The following PCDHGB2 variants were observed in gnomAD, a reference collection of about 807,000 sequenced individuals.
PCDHGB2 encodes the protein protocadherin gamma-B2.
Under a neutral mutation model 59.3 loss-of-function variants are expected in PCDHGB2, and 55 were observed. The observed-to-expected ratio is 0.93, with a 90% CI of 0.75 to 1.16. The LOEUF is 1.16. Among genes scored for constraint, PCDHGB2 ranks in the 50% most tolerant of loss-of-function variants. PCDHGB2 has a pLI of 0.00. For missense variants in PCDHGB2, 1,228 were observed against 1,198.5 expected (o/e 1.02, Z -0.36); for synonymous variants, 516 against 512.0 (o/e 1.01, Z -0.11).
intron 1 of PCDHGB2, chr5:141,383,515 C>T (rs749503295): frequency 1.2e-6 from 2 of 1,612,350 alleles, no homozygotes; most frequent in South Asian, 2.2e-5. Flanking sequence ...GGAGGAAGAG[C>T]GGGTTCACCA....
At chr5:141,419,756 G>A in intron 1 of PCDHGB2, 7 of 1,614,008 alleles carry the variant, frequency 4.3e-6, no homozygotes, top group East Asian at 2.2e-5. Flanking sequence ...GCGTGCTTTG[G>A]GTGACAAGGA....
chr5:141,396,804 G>A lies in PCDHGB2; in HGVS notation c.2421+34248G>A, dbSNP rs189942396. On this transcript the variant is annotated intron_variant, in intron 1 of 3. Coordinates refer to ENST00000522605, the MANE Select transcript of PCDHGB2 (RefSeq NM_018923.3). ...AAGGACATTTCCTAAGGATTGTGTA[G>A]TGTTCTACTGTATGGTGCATATTCA... Among the ~76,000 whole-genome samples the A allele has an allele frequency of 2.8e-4, 42 of 152,300 alleles. 1 individual carries two copies. The highest frequency in any genetic ancestry group is 9.6e-4 in the African/African-American group (40 of 41,552).
At chr5:141,372,180 G>C in intron 1 of PCDHGB2, 1 of 1,613,652 alleles carries the variant, frequency 6.2e-7, no homozygotes, top group South Asian at 1.1e-5. Flanking sequence ...GGCGGTGGAC[G>C]CAGACTCGGG....
At position 141,486,837 on chromosome 5, in the gene PCDHGB2, T is replaced by G; in HGVS notation, c.2422-7970T>G. The G allele has an allele frequency of 6.2e-7, 1 of 1,614,256 alleles. No individual in the cohort carries two copies. The highest frequency in any genetic ancestry group is 8.5e-7 in the Non-Finnish European group (1 of 1,180,044). ...AGCACTGTAACAGTTCGTCTATTTG[T>G]GCTGGACCTCAATGACAATGCTCCA... On this transcript the variant is annotated intron_variant, in intron 1 of 3. Transcript: ENST00000522605. The surrounding 1 kb of genome is among the most constrained non-coding windows in gnomAD (Gnocchi z 5.0).
chr5:141,397,438 G>A (rs1330293325), intron 1 of PCDHGB2, among the ~76,000 whole-genome samples: 5 of 152,140 alleles, frequency 3.3e-5, no homozygotes, highest in Admixed American at 2.6e-4. Context: ...CCTAATATGT[G>A]TAATATAAAA....
At chr5:141,428,147 G>A (rs771536400) in intron 1 of PCDHGB2, 2 of 1,589,610 alleles carry the variant, frequency 1.3e-6, no homozygotes, top group Admixed American at 1.7e-5. Context: ...GGCTGCACAC[G>A]GGAACCTGCT....
intron 1 of PCDHGB2, among the ~76,000 whole-genome samples, chr5:141,437,145 T>C (rs191316470): frequency 3.9e-5 from 6 of 152,364 alleles, no homozygotes; most frequent in Admixed American, 3.9e-4. Flanking sequence ...GGATTCATAA[T>C]TAACATATGT....
intron 2 of PCDHGB2, among the ~76,000 whole-genome samples, chr5:141,497,540 C>A (rs866982821): frequency 7.4e-6 from 1 of 134,944 alleles, no homozygotes; most frequent in African/African-American, 2.8e-5. Context: ...TGCAACAAAC[C>A]TTTTTTTTTT....
chr5:141,371,918 C>A (rs1055994137), intron 1 of PCDHGB2: 4 of 1,613,254 alleles, frequency 2.5e-6, no homozygotes, highest in East Asian at 2.2e-5. Flanking sequence ...TGTCCGTGAG[C>A]GCGCGGAGCG....
intron 2 of PCDHGB2, 30 bp from the exon 3 acceptor site, chr5:141,505,361 AGT>A: frequency 6.2e-7 from 1 of 1,613,910 alleles, no homozygotes; most frequent in Non-Finnish European, 8.5e-7. Context: ...CCGGCCTGGG[AGT>A]CTGTGCTCAC....
At chr5:141,390,339 C>A in intron 1 of PCDHGB2, 2 of 1,591,234 alleles carry the variant, frequency 1.3e-6, no homozygotes, top group Non-Finnish European at 1.7e-6. Flanking sequence ...TCCATATTCA[C>A]AAGAAAATAT....
At chr5:141,381,826 C>CTTTTTTTTTTTTTTTTTTTT (rs770630741) in intron 1 of PCDHGB2, among the ~76,000 whole-genome samples, 4 of 74,282 alleles carry the variant, frequency 5.4e-5, no homozygotes, top group Admixed American at 1.9e-4. Context: ...CTTTCTTCTT[C>CTTTTTTTTTTTTTTTTTTTT]TTTTTTTTTT....
At chr5:141,374,020 G>T in intron 1 of PCDHGB2, 1 of 1,408,826 alleles carries the variant, frequency 7.1e-7, no homozygotes, top group Non-Finnish European at 9.3e-7. Context: ...TCTGAGAAGA[G>T]CAAAAGTGAT....
intron 1 of PCDHGB2, chr5:141,400,006 G>T (rs758879836): frequency 1.9e-5 from 30 of 1,612,536 alleles, no homozygotes; most frequent in Non-Finnish European, 2.5e-5. Flanking sequence ...CACAGCGCGT[G>T]CCTTGGGCGA....
In PCDHGB2 at chr5:141,421,902, C is replaced by T. The variant is rs1218675162; in HGVS notation, c.2421+59346C>T. 4 of 1,613,706 alleles carry T rather than the reference C, an allele frequency of 2.5e-6. No homozygotes were observed. The South Asian group carries it at 3.3e-5, about 13-fold the overall frequency. On this transcript the variant is annotated intron_variant, in intron 1 of 3. Coordinates refer to ENST00000522605, the MANE Select transcript of PCDHGB2 (RefSeq NM_018923.3). Reference sequence around the variant, plus strand: ...ATGGAGGCGATCCCATCCGAAAGGGCGCAGTTCCCATTCGTGTGGTGGTCC... The same window carrying T: ...ATGGAGGCGATCCCATCCGAAAGGGTGCAGTTCCCATTCGTGTGGTGGTCC...
chr5:141,510,804 T>C (rs965530116), intron 3 of PCDHGB2, 143 bp from the exon 4 acceptor site: 2 of 1,504,768 alleles, frequency 1.3e-6, no homozygotes, highest in Admixed American at 2.0e-5. Flanking sequence ...AGAGACTACC[T>C]TGGTGACCCC....
rs758515649 is a variant in PCDHGB2 at position 141,432,368 on chromosome 5, A to G, written c.2422-62439A>G. On this transcript the variant is annotated intron_variant, in intron 1 of 3. Coordinates refer to ENST00000522605, the MANE Select transcript of PCDHGB2 (RefSeq NM_018923.3). This position sits in a 1 kb window ranked among gnomAD's most constrained non-coding sequence, Gnocchi z 6.0. ...GCAAGTGAAAGTGATGGCGCGGGAC[A>G]ACGGGCACCCGCCCCTCAGCAGCAA... 1.2e-6 allele frequency: 2 copies of G among 1,614,110 alleles called. No homozygotes were observed. Among genetic ancestry groups the G allele is most frequent in the Non-Finnish European group, 1.7e-6 (2 of 1,180,054 alleles).
chr5:141,442,047 G>A (rs186626119), intron 1 of PCDHGB2: 64 of 202,912 alleles, frequency 3.2e-4, no homozygotes, highest in Admixed American at 9.3e-4. Context: ...GCGCCTACTG[G>A]TCGCGGTGCA....
intron 1 of PCDHGB2, among the ~76,000 whole-genome samples, chr5:141,482,326 G>T (rs982211258): frequency 6.6e-6 from 1 of 152,072 alleles, no homozygotes. Context: ...AAAATAAAGA[G>T]AATATCTACT....
Sources: gnomAD v4.1 joint callset for allele counts (sites outside exome capture counted in the v4.1 genomes callset) on GRCh38, gnomAD v4.1.1 for gene constraint, Gnocchi (gnomAD v3.1) non-coding constraint, MANE v1.5 for transcripts, NCBI Gene and HGNC (gene_info 2026-07-23, HGNC 2026-07-21) for gene names.